The following SVOPL variants were observed in gnomAD, a reference collection of about 807,000 sequenced individuals.
SVOPL encodes the protein putative transporter SVOPL.
In SVOPL, 60 loss-of-function variants were observed where a neutral mutation model predicts 61.0. The observed-to-expected ratio is 0.98, with a 90% CI of 0.80 to 1.22. SVOPL has a LOEUF of 1.22. Ranked by LOEUF, SVOPL falls within the 50% of genes most tolerant of loss-of-function variation. The pLI, the probability that SVOPL is intolerant of heterozygous loss-of-function variation, is 0.00. For missense variants in SVOPL, 662 were observed against 643.9 expected (o/e 1.03, Z -0.30); for synonymous variants, 279 against 250.0 (o/e 1.12, Z -1.09).
chr7:138,665,936 T>G (rs771162011), intron 4 of SVOPL, among the ~76,000 whole-genome samples: 5 of 152,116 alleles, frequency 3.3e-5, no homozygotes, highest in Non-Finnish European at 5.9e-5. Flanking sequence ...AACCACAGCC[T>G]TGCACAAAGA....
At chr7:138,694,824 C>G (rs374399941) in intron 1 of SVOPL, among the ~76,000 whole-genome samples, 1 of 151,388 alleles carries the variant, frequency 6.6e-6, no homozygotes, top group Non-Finnish European at 1.5e-5. Flanking sequence ...CTGCAACCTC[C>G]GCCTCCTGGG....
At chr7:138,608,137 C>T (rs1395931702) in intron 14 of SVOPL, among the ~76,000 whole-genome samples, 1 of 152,154 alleles carries the variant, frequency 6.6e-6, no homozygotes, top group Admixed American at 6.5e-5. Flanking sequence ...AAGAAAGAGA[C>T]AAACCTTGTT....
intron 9 of SVOPL, among the ~76,000 whole-genome samples, chr7:138,643,422 C>CAAAAAA (rs36014220): frequency 2.7e-4 from 18 of 67,280 alleles, no homozygotes; most frequent in African/African-American, 3.6e-4. Context: ...GACTCCATCT[C>CAAAAAA]AAAAAAAAAA....
intron 14 of SVOPL, among the ~76,000 whole-genome samples, chr7:138,604,445 G>C (rs567475633): frequency 2.6e-5 from 4 of 152,016 alleles, no homozygotes; most frequent in Admixed American, 2.6e-4. Flanking sequence ...AGGCCAAGGC[G>C]GGAGGATCAC....
intron 7 of SVOPL, among the ~76,000 whole-genome samples, chr7:138,654,296 A>G (rs1278198825): frequency 1.3e-5 from 2 of 152,230 alleles, no homozygotes; most frequent in Non-Finnish European, 2.9e-5. Context: ...CCTAGTGTAC[A>G]GAAGAGATAA....
intron 9 of SVOPL, among the ~76,000 whole-genome samples, chr7:138,635,060 G>A (rs1800402632): frequency 6.6e-6 from 1 of 152,100 alleles, no homozygotes; most frequent in South Asian, 2.1e-4. Flanking sequence ...ATCACCTGAG[G>A]TCGGGAGTTC....
chr7:138,628,014 T>G, intron 11 of SVOPL, 144 bp downstream of exon 11: 1 of 898,734 alleles, frequency 1.1e-6, no homozygotes, highest in Non-Finnish European at 1.7e-6. Flanking sequence ...CAATCCAAAC[T>G]GGAGATTTTT....
intron 14 of SVOPL, among the ~76,000 whole-genome samples, chr7:138,597,821 G>A (rs1239859885): frequency 2.0e-5 from 3 of 152,104 alleles, no homozygotes; most frequent in African/African-American, 4.8e-5. Context: ...CAGAATTCTC[G>A]CCACCACCAG....
chr7:138,614,245 C>G (rs1039532574), intron 14 of SVOPL, among the ~76,000 whole-genome samples: 10 of 152,152 alleles, frequency 6.6e-5, no homozygotes, highest in African/African-American at 2.4e-4. Flanking sequence ...AATTCTCCTT[C>G]CTCCTAACAG....
chr7:138,625,672 T>C (rs1799858060), intron 13 of SVOPL, among the ~76,000 whole-genome samples: 1 of 152,234 alleles, frequency 6.6e-6, no homozygotes, highest in African/African-American at 2.4e-5. Flanking sequence ...TACATTTGAA[T>C]GCAACATGTT....
chr7:138,638,904 A>G (rs1800637249), intron 9 of SVOPL, among the ~76,000 whole-genome samples: 1 of 152,252 alleles, frequency 6.6e-6, no homozygotes, highest in African/African-American at 2.4e-5. Context: ...GACATGATTC[A>G]GAAGAAACAC....
At chr7:138,610,377 C>T (rs1267515357) in intron 14 of SVOPL, among the ~76,000 whole-genome samples, 1 of 151,462 alleles carries the variant, frequency 6.6e-6, no homozygotes, top group African/African-American at 2.4e-5. Flanking sequence ...GAGCCTACAT[C>T]ACTAACAATG....
intron 13 of SVOPL, among the ~76,000 whole-genome samples, chr7:138,622,714 A>C (rs1221614824): frequency 1.3e-5 from 2 of 152,152 alleles, no homozygotes; most frequent in Non-Finnish European, 2.9e-5. Flanking sequence ...TTCCTGCCTC[A>C]GCCTCCCAAA....
intron 7 of SVOPL, among the ~76,000 whole-genome samples, chr7:138,649,871 G>A (rs778017794): frequency 1.3e-5 from 2 of 151,996 alleles, no homozygotes; most frequent in East Asian, 1.9e-4. Context: ...TTGCTCTGTC[G>A]CCCAGACTGG....
chr7:138,675,882 A>G (rs751927076), intron 3 of SVOPL, among the ~76,000 whole-genome samples: 1 of 152,172 alleles, frequency 6.6e-6, no homozygotes. Context: ...TCTGTTGCCC[A>G]GGCTGGAGTG....
intron 1 of SVOPL, among the ~76,000 whole-genome samples, chr7:138,682,305 G>T (rs1195757552): frequency 1.3e-5 from 2 of 152,118 alleles, no homozygotes; most frequent in Admixed American, 1.3e-4. Context: ...TTAACACCAT[G>T]GAAACAGAGA....
chr7:138,610,712 C>T (rs138228643), intron 14 of SVOPL, among the ~76,000 whole-genome samples: 32 of 152,326 alleles, frequency 2.1e-4, no homozygotes, highest in African/African-American at 6.3e-4. Context: ...TAAACACTAA[C>T]GTAGTTTCTA....
chr7:138,659,783 T>A, intron 6 of SVOPL, 81 bp downstream of exon 6: 1 of 1,334,942 alleles, frequency 7.5e-7, no homozygotes. Context: ...ATGCTTTTGG[T>A]CTATTAAGCG....
At chr7:138,642,918 G>A (rs1278019630) in intron 9 of SVOPL, among the ~76,000 whole-genome samples, 2 of 149,484 alleles carry the variant, frequency 1.3e-5, no homozygotes, top group Non-Finnish European at 3.0e-5. Context: ...ATAAACAAAA[G>A]TAGACTGTAA....
Sources: gnomAD v4.1 joint callset for allele counts (sites outside exome capture counted in the v4.1 genomes callset) on GRCh38, gnomAD v4.1.1 for gene constraint, MANE v1.5 for transcripts, NCBI Gene and HGNC (gene_info 2026-07-23, HGNC 2026-07-21) for gene names.